OSBPL10: variants seen among roughly 807,000 people sequenced by gnomAD.
The protein encoded by OSBPL10 is oxysterol binding protein like 10, also known as oxysterol-binding protein-related protein 10.
A neutral mutation model predicts 81.7 loss-of-function variants in OSBPL10; 49 were observed. That is an observed-to-expected ratio of 0.60 (90% CI 0.48 to 0.76). The LOEUF (loss-of-function observed/expected upper bound fraction) is 0.76, where lower values mean the gene tolerates loss of function less well. Among genes scored for constraint, OSBPL10 ranks in the 30% least tolerant of loss-of-function variants. The pLI, the probability that OSBPL10 is intolerant of heterozygous loss-of-function variation, is 0.00. For synonymous variants in OSBPL10, 419 were observed against 383.6 expected (o/e 1.09, Z -1.08); for missense variants, 923 against 987.8 (o/e 0.93, Z 0.88).
intron 3 of OSBPL10, among the ~76,000 whole-genome samples, chr3:31,836,494 TC>T (rs1225821433): frequency 6.6e-6 from 1 of 151,710 alleles, no homozygotes; most frequent in Non-Finnish European, 1.5e-5. Flanking sequence ...TGCGCTTTTT[TC>T]CCCCATCATT....
At chr3:31,816,030 GT>G (rs1259772383) in intron 4 of OSBPL10, among the ~76,000 whole-genome samples, 1 of 152,162 alleles carries the variant, frequency 6.6e-6, no homozygotes, top group African/African-American at 2.4e-5. Context: ...TGAATTTTCT[GT>G]GAGCCAGAGA....
chr3:31,978,412 A>C (rs1698742484), intron 1 of OSBPL10, among the ~76,000 whole-genome samples: 1 of 152,228 alleles, frequency 6.6e-6, no homozygotes, highest in Non-Finnish European at 1.5e-5. Flanking sequence ...CAGTCTGTGA[A>C]TAGATAATTG....
chr3:32,051,964 T>C (rs1699672697), intron 1 of OSBPL10, among the ~76,000 whole-genome samples: 1 of 152,114 alleles, frequency 6.6e-6, no homozygotes, highest in South Asian at 2.1e-4. Context: ...AGATTATTGG[T>C]AGGCCGGGTG....
chr3:31,898,174 A>C (rs1311934659), intron 1 of OSBPL10, among the ~76,000 whole-genome samples: 2 of 152,134 alleles, frequency 1.3e-5, no homozygotes, highest in Non-Finnish European at 2.9e-5. Flanking sequence ...ACAAAGTTTT[A>C]GTTAGACAGG....
intron 6 of OSBPL10, among the ~76,000 whole-genome samples, chr3:31,717,571 G>T (rs1214957847): frequency 6.6e-6 from 1 of 152,060 alleles, no homozygotes; most frequent in Non-Finnish European, 1.5e-5. Context: ...CACCAATAAT[G>T]CCCCATTATA....
rs371276325 is a variant in OSBPL10 at position 31,678,774 on chromosome 3, G to A, written c.1726+4860C>T. 6.0e-4 allele frequency among the ~76,000 whole-genome samples: 86 copies of A among 144,056 alleles called. 1 individual carries two copies. Among genetic ancestry groups the A allele is most frequent in the African/African-American group, 2.1e-3 (82 of 38,252 alleles). 94.5% of individuals were successfully genotyped at this position (144,056 alleles called of 152,430 possible). ...CAAGCACTTACTCTGACTAATCACA[G>A]ATTCAAACTGTGTGTGTGTGTGTGT... On this transcript the variant is annotated intron_variant, in intron 8 of 11. Transcript: ENST00000396556.
intron 1 of OSBPL10, among the ~76,000 whole-genome samples, chr3:31,966,367 A>C (rs1422446637): frequency 6.6e-6 from 1 of 151,828 alleles, no homozygotes; most frequent in Non-Finnish European, 1.5e-5. Flanking sequence ...AAGAAATGAT[A>C]ATTTAATAAT....
At chr3:31,779,010 C>T (rs1698618616) in intron 4 of OSBPL10, among the ~76,000 whole-genome samples, 1 of 152,012 alleles carries the variant, frequency 6.6e-6, no homozygotes, top group South Asian at 2.1e-4. Context: ...CTCAGACAAA[C>T]AAATGCTGAG....
chr3:31,986,937 T>C (rs1285304212), intron 2 of OSBPL10, among the ~76,000 whole-genome samples: 1 of 152,042 alleles, frequency 6.6e-6, no homozygotes, highest in Non-Finnish European at 1.5e-5. Flanking sequence ...CGCCCAGAAA[T>C]TTGAGGCTGC....
At chr3:31,696,317 C>G (rs1196487978) in intron 7 of OSBPL10, among the ~76,000 whole-genome samples, 1 of 152,238 alleles carries the variant, frequency 6.6e-6, no homozygotes, top group East Asian at 1.9e-4. Context: ...AGCATTCAAG[C>G]ATCTTAAGAA....
chr3:32,011,970 G>A (rs555640562), intron 2 of OSBPL10, among the ~76,000 whole-genome samples: 12 of 152,336 alleles, frequency 7.9e-5, no homozygotes, highest in Middle Eastern at 3.4e-3. Flanking sequence ...CATCTGATTG[G>A]TGTACCTGAA....
At chr3:31,995,416 A>C (rs545804061) in intron 2 of OSBPL10, among the ~76,000 whole-genome samples, 3 of 152,314 alleles carry the variant, frequency 2.0e-5, no homozygotes, top group African/African-American at 7.2e-5. Flanking sequence ...CCCTATTTGC[A>C]TGTCCATTTA....
At chr3:31,783,805 AAAAAAAAAAAAAAAAAAAAT>A (rs1698775053) in intron 4 of OSBPL10, among the ~76,000 whole-genome samples, 1 of 70,300 alleles carries the variant, frequency 1.4e-5, no homozygotes, top group African/African-American at 7.1e-5. Flanking sequence ...AAAAAAAAAA[AAAAAAAAAAAAAAAAAAAAT>A]ATATATATAT....
intron 1 of OSBPL10, among the ~76,000 whole-genome samples, chr3:31,916,748 C>G (rs2125700505): frequency 6.6e-6 from 1 of 152,288 alleles, no homozygotes; most frequent in East Asian, 1.9e-4. Flanking sequence ...TTCTCAGGCA[C>G]CTGTTAATCT....
At chr3:32,022,392 A>G (rs1699369651) in intron 2 of OSBPL10, among the ~76,000 whole-genome samples, 1 of 152,200 alleles carries the variant, frequency 6.6e-6, no homozygotes, top group Admixed American at 6.5e-5. Flanking sequence ...AGTTACAGGC[A>G]AAGTCATAAA....
intron 1 of OSBPL10, among the ~76,000 whole-genome samples, chr3:31,917,410 A>G (rs1400899844): frequency 6.7e-6 from 1 of 149,598 alleles, no homozygotes; most frequent in African/African-American, 2.5e-5. Flanking sequence ...TACATTCAAG[A>G]GCCTCTGTTA....
intron 3 of OSBPL10, among the ~76,000 whole-genome samples, chr3:31,850,983 T>C (rs1395076167): frequency 6.6e-6 from 1 of 152,106 alleles, no homozygotes; most frequent in Non-Finnish European, 1.5e-5. Context: ...TAAGAAGTAA[T>C]GAGGAAAGCA....
chr3:31,702,792 A>G (rs1180456155), intron 6 of OSBPL10, among the ~76,000 whole-genome samples: 5 of 152,238 alleles, frequency 3.3e-5, no homozygotes, highest in Admixed American at 1.3e-4. Flanking sequence ...GAAACTAACT[A>G]TAGTATATGG....
At chr3:31,685,502 C>CA (rs577947375) in intron 7 of OSBPL10, among the ~76,000 whole-genome samples, 89 of 152,328 alleles carry the variant, frequency 5.8e-4, no homozygotes, top group African/African-American at 2.0e-3. Flanking sequence ...CACTTAGCTG[C>CA]AAAACACAGC....
Sources: allele counts gnomAD v4.1 joint callset (sites outside exome capture counted in the v4.1 genomes callset), GRCh38; gene constraint gnomAD v4.1.1; transcripts MANE v1.5; gene names NCBI Gene and HGNC (gene_info 2026-07-23, HGNC 2026-07-21).